The following MYO7A variants were observed in gnomAD, a reference collection of about 807,000 sequenced individuals.
MYO7A encodes the protein myosin VIIA.
A neutral mutation model predicts 263.8 loss-of-function variants in MYO7A; 210 were observed. The observed-to-expected ratio is 0.80, with a 90% CI of 0.71 to 0.89. The LOEUF (loss-of-function observed/expected upper bound fraction) is 0.89, where lower values mean the gene tolerates loss of function less well. Among genes scored for constraint, MYO7A ranks in the 40% least tolerant of loss-of-function variants. The pLI, the probability that MYO7A is intolerant of heterozygous loss-of-function variation, is 0.00. For missense variants in MYO7A, 2,820 were observed against 2,968.3 expected (o/e 0.95, Z 1.16); for synonymous variants, 1,239 against 1,197.3 (o/e 1.03, Z -0.72).
Position 77,181,642 on chromosome 11 carries a change from A to G in MYO7A, c.2904+53A>G. 4.5e-6 allele frequency: 7 copies of G among 1,541,056 alleles called. No homozygotes were observed. In the South Asian group the frequency reaches 8.0e-5, roughly 18 times the overall value. On this transcript the variant is annotated intron_variant, in intron 23 of 48. Coordinates refer to ENST00000409709, the MANE Select transcript of MYO7A (RefSeq NM_000260.4). ...AGGCCCACACACACCGCTTGTGTTG[A>G]TCCTCCCTCCTTCTGTGCCCTTGGC...
chr11:77,211,530 CACTTGGCAGT>C (rs1044342348), intron 45 of MYO7A, among the ~76,000 whole-genome samples, 193 bp downstream of exon 45: 23 of 152,336 alleles, frequency 1.5e-4, no homozygotes, highest in African/African-American at 5.5e-4. Context: ...ACTCAGTGGC[CACTTGGCAGT>C]CATTTATCCT....
chr11:77,199,726 C>T lies in MYO7A; in HGVS notation c.4760C>T (p.Ala1587Val). ...GDEYTFTSSN[A>V]EDIRDLVVTF... ...GAATACACCTTCACCTCCAGCAATG[C>T]TGAGGACATTCGTGACCTGGTGGTC... The change falls in exon 35 of 49, where the codon GCT (alanine) becomes GTT (valine). Residue 1587 changes from alanine to valine, a missense_variant. Transcript: ENST00000409709. The T allele has an allele frequency of 6.2e-7, 1 of 1,613,616 alleles. No individual in the cohort carries two copies.
At position 77,172,116 on chromosome 11, in the gene MYO7A, C is replaced by T. The variant is rs561113373; in HGVS notation, c.1798-632C>T. ...ACCGGCAGCTCCCGCCCCTCCTCCT[C>T]GCGCTTGCCCACAGGTTTCCAGAAG... On this transcript the variant is annotated intron_variant, in intron 15 of 48. Transcript: ENST00000409709. Among the ~76,000 whole-genome samples, 31 of 152,328 alleles carry T rather than the reference C, an allele frequency of 2.0e-4. No individual in the cohort carries two copies. The South Asian group carries it at 2.3e-3, about 11-fold the overall frequency.
chr11:77,191,206 G>C, intron 30 of MYO7A: 1 of 182,220 alleles, frequency 5.5e-6, no homozygotes, highest in Non-Finnish European at 1.2e-5. Flanking sequence ...TGTAGTCCCA[G>C]CTACTCGGGA....
intron 46 of MYO7A, 34 bp downstream of exon 46, chr11:77,211,971 G>A: frequency 6.5e-7 from 1 of 1,541,682 alleles, no homozygotes; most frequent in Non-Finnish European, 9.0e-7. Flanking sequence ...AGAGGAGGAG[G>A]GGAACAGGGC....
At chr11:77,194,254 G>A (rs140684048) in intron 31 of MYO7A, 100 bp from the exon 32 acceptor site, 2 of 1,367,844 alleles carry the variant, frequency 1.5e-6, no homozygotes, top group African/African-American at 2.9e-5. Flanking sequence ...GAGAGCTACA[G>A]GAGGCAGGGC....
chr11:77,181,645 C>T, intron 23 of MYO7A, 56 bp downstream of exon 23: 2 of 1,528,950 alleles, frequency 1.3e-6, no homozygotes, highest in Non-Finnish European at 8.9e-7. Flanking sequence ...TGTGTTGATC[C>T]TCCCTCCTTC....
At chr11:77,194,077 C>T (rs1273751743) in intron 31 of MYO7A, 1 of 635,942 alleles carries the variant, frequency 1.6e-6, no homozygotes, top group South Asian at 1.5e-5. Context: ...TGTTTCTTTG[C>T]ATCACTTCAT....
Position 77,194,503 on chromosome 11 carries a change from G to A in MYO7A, c.4302G>A (p.Leu1434=), listed in dbSNP as rs1295598893. The change falls in exon 32 of 49, where the codon CTG becomes CTA. Residue 1434 remains leucine (L), a synonymous_variant. Coordinates refer to ENST00000409709, the MANE Select transcript of MYO7A (RefSeq NM_000260.4). Reference sequence around the variant, plus strand: ...AGACGCTGGAGAAGTGGGCCCAGCTGGCCATCGCCGCCCACAAGAAGGTAG... The same window carrying A: ...AGACGCTGGAGAAGTGGGCCCAGCTAGCCATCGCCGCCCACAAGAAGGTAG... The part of the protein sequence containing the change: ...PLKTLEKWAQ[L]AIAAHKKGIY... 1 of 1,603,642 alleles carries A rather than the reference G, an allele frequency of 6.2e-7. No homozygotes were observed. The highest frequency in any genetic ancestry group is 1.7e-5 in the Admixed American group (1 of 58,672).
chr11:77,175,026 C>G, intron 17 of MYO7A, 112 bp downstream of exon 17: 1 of 1,363,226 alleles, frequency 7.3e-7, no homozygotes, highest in Non-Finnish European at 1.0e-6. Flanking sequence ...TGCTTGACCT[C>G]TCAGGTGCAG....
At chr11:77,168,097 C>T (rs1555073817) in intron 15 of MYO7A, among the ~76,000 whole-genome samples, 1 of 152,182 alleles carries the variant, frequency 6.6e-6, no homozygotes, top group Non-Finnish European at 1.5e-5. Flanking sequence ...CCTCGCTGGG[C>T]CCATCCATTC....
intron 42 of MYO7A, 106 bp downstream of exon 42, chr11:77,207,508 G>GCCAGATGC: frequency 1.2e-6 from 1 of 863,038 alleles, no homozygotes; most frequent in Non-Finnish European, 1.9e-6. Flanking sequence ...GGGGAAGAGG[G>GCCAGATGC]CACTGGCATC....
chr11:77,185,029 TTATAC>T (rs1555087660), intron 27 of MYO7A: 1 of 518,164 alleles, frequency 1.9e-6, no homozygotes, highest in Non-Finnish European at 3.5e-6. Flanking sequence ...AAAGTCATAT[TTATAC>T]TATACTATAG....
intron 15 of MYO7A, among the ~76,000 whole-genome samples, chr11:77,171,938 G>A (rs1405199885): frequency 6.6e-6 from 1 of 152,182 alleles, no homozygotes; most frequent in Non-Finnish European, 1.5e-5. Flanking sequence ...GATCGCCCAG[G>A]TGTGGCTGGT....
chr11:77,203,070 A>C lies in MYO7A; in HGVS notation c.5179A>C (p.Lys1727Gln), dbSNP rs1187644045. Reference protein sequence around the residue: ...FSYDYFRPPPKHTLSRVMVSK... With the variant: ...FSYDYFRPPPQHTLSRVMVSK... Reference sequence around the variant, plus strand: ...CCTGTGCTGCGGCAGGCCCCCACCCAAGCACACGCTGAGCCGTGTCATGGT... The same window carrying C: ...CCTGTGCTGCGGCAGGCCCCCACCCCAGCACACGCTGAGCCGTGTCATGGT... The change falls in exon 38 of 49, where the codon AAG becomes CAG. Residue 1727 changes from lysine (K) to glutamine (Q), a missense_variant. Coordinates refer to ENST00000409709, the MANE Select transcript of MYO7A (RefSeq NM_000260.4). The C allele has an allele frequency of 6.5e-7, 1 of 1,548,000 alleles. No individual in the cohort carries two copies. The highest frequency in any genetic ancestry group is 2.0e-5 in the Admixed American group (1 of 50,994).
chr11:77,206,200 G>A lies in MYO7A; in HGVS notation c.5740G>A (p.Glu1914Lys), dbSNP rs750306282. 1.7e-5 allele frequency: 28 copies of A among 1,608,670 alleles called. No individual in the cohort carries two copies. The highest frequency in any genetic ancestry group is 4.5e-5 in the East Asian group (2 of 44,746). ...HKVYFPDDTD[E>K]AFEVESSTKA... ...AGTCTACTTCCCTGATGACACTGAC[G>A]AGGTGAGGGTCACCGGCTTCTAGGT... The change falls in exon 41 of 49, where the codon GAG becomes AAG. Residue 1914 changes from glutamate (E) to lysine (K), a missense_variant and splice_region_variant. Transcript: ENST00000409709.
In MYO7A at chr11:77,156,801, G is replaced by T. The variant is rs1390592241; in HGVS notation, c.592+20G>T. The stretch of plus-strand genomic sequence containing the variant: ...TGGAAGGTAGGACCAGAGTTCCGAG[G>T]GTGGGACCAGGCAGTGGGGCGGGAG... On this transcript the variant is annotated intron_variant, in intron 6 of 48. Coordinates refer to ENST00000409709, the MANE Select transcript of MYO7A (RefSeq NM_000260.4). The T allele has an allele frequency of 1.2e-6, 2 of 1,613,976 alleles. No individual in the cohort carries two copies. The highest frequency in any genetic ancestry group is 3.3e-5 in the Admixed American group (2 of 60,030).
At chr11:77,169,366 G>A (rs539185632) in intron 15 of MYO7A, among the ~76,000 whole-genome samples, 1 of 152,350 alleles carries the variant, frequency 6.6e-6, no homozygotes, top group South Asian at 2.1e-4. Context: ...AGTAGCCCCT[G>A]ATTAATGCCT....
intron 14 of MYO7A, among the ~76,000 whole-genome samples, chr11:77,164,278 C>A (rs986069146): frequency 3.3e-5 from 5 of 151,796 alleles, no homozygotes; most frequent in African/African-American, 1.2e-4. Context: ...AAGGGCCAAC[C>A]ACAAATTGGC....
Sources: gnomAD v4.1 joint callset for allele counts (sites outside exome capture counted in the v4.1 genomes callset) on GRCh38, gnomAD v4.1.1 for gene constraint, MANE v1.5 for transcripts, NCBI Gene and HGNC (gene_info 2026-07-23, HGNC 2026-07-21) for gene names.